ASB15: variants seen among roughly 807,000 people sequenced by gnomAD.
ASB15 encodes ankyrin repeat and SOCS box protein 15.
ASB15 carries 54 observed loss-of-function variants against 58.0 expected under a neutral mutation model. The observed-to-expected ratio is 0.93, with a 90% CI of 0.75 to 1.17. The LOEUF (loss-of-function observed/expected upper bound fraction) is 1.17. Among genes scored for constraint, ASB15 ranks in the 50% most tolerant of loss-of-function variants. ASB15 has a pLI of 0.00. For synonymous variants in ASB15, 249 were observed against 262.4 expected (o/e 0.95, Z 0.50); for missense variants, 680 against 707.4 (o/e 0.96, Z 0.44).
chr7:123,636,040 C>A (rs190852500), intron 11 of ASB15, among the ~76,000 whole-genome samples: 1 of 152,128 alleles, frequency 6.6e-6, no homozygotes, highest in East Asian at 1.9e-4. Flanking sequence ...AACAACCCTA[C>A]GAGATAAGTA....
At chr7:123,612,889 T>C (rs1418805524) in intron 3 of ASB15, among the ~76,000 whole-genome samples, 1 of 152,136 alleles carries the variant, frequency 6.6e-6, no homozygotes, top group Non-Finnish European at 1.5e-5. Context: ...AGTTACATTC[T>C]AAGGAGAGGA....
upstream of ASB15, among the ~76,000 whole-genome samples, chr7:123,601,554 A>C (rs1261628084): frequency 6.6e-6 from 1 of 152,152 alleles, no homozygotes; most frequent in Non-Finnish European, 1.5e-5. Flanking sequence ...AATACCTTTA[A>C]ATTGTGCGTT....
chr7:123,631,350 T>C (rs868861133), intron 11 of ASB15, among the ~76,000 whole-genome samples: 1 of 152,228 alleles, frequency 6.6e-6, no homozygotes, highest in African/African-American at 2.4e-5. Context: ...TATTTAGTTT[T>C]AAAACTAAAG....
intron 3 of ASB15, chr7:123,609,026 A>T (rs1241736276): frequency 1.3e-5 from 2 of 151,688 alleles, no homozygotes; most frequent in African/African-American, 2.4e-5. Context: ...CTCTGATAGG[A>T]TAAATCCTGA....
rs1562933181 is a variant in ASB15, at chr7:123,620,525, TATATATATATATATATATATATATATA to T, written c.451+2789_451+2815del. On this transcript the variant is annotated intron_variant, in intron 7 of 11. Transcript: ENST00000451215. ...ATACATACATATATATATATATATA[TATATATATATATATATATATATATATA>T]TATTTTTTTTTTTTTTTTTTTTTTT... is the stretch of plus-strand genomic sequence containing the variant. Among the ~76,000 whole-genome samples the T allele has an allele frequency of 4.3e-3, 71 of 16,372 alleles. 1 individual carries two copies. The highest frequency in any genetic ancestry group is 9.0e-3 in the Non-Finnish European group (60 of 6,644). The allele number at this position is 16,372 out of a possible 152,430, so 10.7% of individuals were successfully genotyped here.
At chr7:123,583,023 G>A (rs1799278372) in intron 1 of ASB15, among the ~76,000 whole-genome samples, 1 of 151,934 alleles carries the variant, frequency 6.6e-6, no homozygotes, top group Admixed American at 6.6e-5. Flanking sequence ...GAGATGGCAA[G>A]CATCACAAAC....
chr7:123,624,761 G>A lies in ASB15; in HGVS notation c.644G>A (p.Gly215Asp). ...GATGGATTTGGAGTCACACCACTAG[G>A]CGTCGCTGCCGAGTATGGTCACTGT... ...LRDGFGVTPL[G>D]VAAEYGHCDV... Residue 215 changes from glycine (G) to aspartate (D), a missense_variant, in exon 8 of 12, where the codon GGC becomes GAC. Gly to Asp is a moderately conservative substitution (Grantham distance 94). Transcript: ENST00000451215. 1 of 1,614,044 alleles carries A rather than the reference G, an allele frequency of 6.2e-7. No homozygotes were observed. The highest frequency in any genetic ancestry group is 8.5e-7 in the Non-Finnish European group (1 of 1,179,918).
intron 7 of ASB15, among the ~76,000 whole-genome samples, chr7:123,623,927 AAAGAAAAGAAAGAAAGAAAGAAAG>A (rs1348617476): frequency 6.9e-4 from 14 of 20,318 alleles, no homozygotes; most frequent in Non-Finnish European, 1.2e-3. Flanking sequence ...AGGAAGAAAG[AAAGAAAAGAAAGAAAGAAAGAAAG>A]AAAGAAAGAA....
intron 8 of ASB15, among the ~76,000 whole-genome samples, chr7:123,626,588 G>T (rs1801789432): frequency 1.3e-5 from 2 of 152,202 alleles, no homozygotes. Context: ...TTTCTCTCAT[G>T]ATTTTTGGCC....
At chr7:123,587,303 G>A (rs1799401772) in intron 1 of ASB15, among the ~76,000 whole-genome samples, 1 of 151,270 alleles carries the variant, frequency 6.6e-6, no homozygotes, top group African/African-American at 2.4e-5. Context: ...TATTTTTGTA[G>A]CTATTGTATA....
At chr7:123,579,402 A>G (rs575667719) in intron 1 of ASB15, among the ~76,000 whole-genome samples, 3 of 152,198 alleles carry the variant, frequency 2.0e-5, no homozygotes, top group East Asian at 3.9e-4. Flanking sequence ...TTTGCTATGT[A>G]CTCACTGTAG....
At position 123,589,301 on chromosome 7, in the gene ASB15, T is replaced by TTTATTATTATTA. The variant is rs35194530; in HGVS notation, c.-442-14720_-442-14709dup. 5.1e-3 allele frequency among the ~76,000 whole-genome samples: 746 copies of TTTATTATTATTA among 147,480 alleles called. 4 individuals are homozygous for TTTATTATTATTA. The highest frequency in any genetic ancestry group is 0.017 in the African/African-American group (704 of 40,392). On this transcript the variant is annotated intron_variant, in intron 1 of 13. Coordinates refer to the ASB15 transcript ENST00000451558. ...ATCATTATATAATGACTTTCATCTC[T>TTTATTATTATTA]TTATTATTATTATTATTATTATCAT...
intron 11 of ASB15, among the ~76,000 whole-genome samples, chr7:123,633,269 ATTAT>A (rs1802220083): frequency 6.6e-6 from 1 of 152,142 alleles, no homozygotes; most frequent in Non-Finnish European, 1.5e-5. Flanking sequence ...ATACAGCACA[ATTAT>A]TTATTTTTGA....
intron 7 of ASB15, among the ~76,000 whole-genome samples, chr7:123,623,919 GAAGA>G (rs1363842983): frequency 4.1e-4 from 7 of 17,080 alleles, no homozygotes; most frequent in East Asian, 2.0e-3. Flanking sequence ...AGGAAGGAAG[GAAGA>G]AAGAAAGAAA....
At chr7:123,598,126 C>A (rs947145439), upstream of ASB15, among the ~76,000 whole-genome samples, 1 of 152,056 alleles carries the variant, frequency 6.6e-6, no homozygotes, top group African/African-American at 2.4e-5. Flanking sequence ...AAATGTGTGT[C>A]TGTATATATA....
chr7:123,595,914 A>C (rs2116383297), intron 1 of ASB15, among the ~76,000 whole-genome samples: 1 of 152,288 alleles, frequency 6.6e-6, no homozygotes, highest in African/African-American at 2.4e-5. Context: ...TCAAAACTCA[A>C]TCTGATTTAA....
chr7:123,568,453 G>A (rs1798818867), intron 1 of ASB15, among the ~76,000 whole-genome samples: 1 of 151,946 alleles, frequency 6.6e-6, no homozygotes, highest in Non-Finnish European at 1.5e-5. Flanking sequence ...CCGGGAGGGT[G>A]GAGGTTGCAG....
At chr7:123,572,461 G>T (rs1468149986) in intron 1 of ASB15, among the ~76,000 whole-genome samples, 1 of 151,590 alleles carries the variant, frequency 6.6e-6, no homozygotes, top group Non-Finnish European at 1.5e-5. Context: ...ATGTAGCCTG[G>T]ATACTATTTC....
At position 123,636,967 on chromosome 7, in the gene ASB15, C is replaced by A; in HGVS notation, c.1753C>A (p.Leu585Ile). 6.6e-7 allele frequency: 1 copy of A among 1,520,674 alleles called. No homozygotes were observed. The highest frequency in any genetic ancestry group is 9.0e-7 in the Non-Finnish European group (1 of 1,111,426). The allele number at this position is 1,520,674 out of a possible 1,614,324, so 94.2% of individuals were successfully genotyped here. ...AGAGTATGATCTCTATGGACAAGAG[C>A]TAAAATTGACATAACTTAATATTTT... ...FKEYDLYGQE[L>I]KLT The change falls in exon 12 of 12, where the codon CTA (leucine) becomes ATA (isoleucine). Residue 585 changes from leucine (L) to isoleucine (I), a missense_variant. Coordinates refer to ENST00000451215, the MANE Select transcript of ASB15 (RefSeq NM_001290258.2).
Sources: allele counts gnomAD v4.1 joint callset (sites outside exome capture counted in the v4.1 genomes callset), GRCh38; gene constraint gnomAD v4.1.1; transcripts MANE v1.5; gene names NCBI Gene and HGNC (gene_info 2026-07-23, HGNC 2026-07-21).